PDE4D: variants seen among roughly 807,000 people sequenced by gnomAD.
PDE4D encodes the protein phosphodiesterase 4D.
Under a neutral mutation model 87.4 loss-of-function variants are expected in PDE4D, and 24 were observed. The ratio of observed to expected loss-of-function variants is 0.27; its 90% CI spans 0.20 to 0.39. The LOEUF (loss-of-function observed/expected upper bound fraction) is 0.39, where lower values mean the gene tolerates loss of function less well. Ranked by LOEUF, PDE4D falls within the 10% of genes least tolerant of loss-of-function variation. The probability of loss-of-function intolerance (pLI) is 1.00; values close to 1 mark genes in which losing one functional copy is unlikely to be tolerated. For missense variants in PDE4D, 714 were observed against 1,041.0 expected (o/e 0.69, Z 4.32); for synonymous variants, 384 against 383.2 (o/e 1.00, Z -0.02).
intron 1 of PDE4D, among the ~76,000 whole-genome samples, chr5:59,381,354 G>A (rs1785806568): frequency 6.6e-6 from 1 of 152,080 alleles, no homozygotes; most frequent in Non-Finnish European, 1.5e-5. Context: ...TCAAGACCAG[G>A]AACTGAAGAA....
At chr5:59,125,796 T>C (rs2153448391) in intron 5 of PDE4D, among the ~76,000 whole-genome samples, 1 of 152,096 alleles carries the variant, frequency 6.6e-6, no homozygotes. Flanking sequence ...TCAGAAAACA[T>C]CTAATCTAGG....
In PDE4D at chr5:59,598,783, T is replaced by G. The variant is rs535719496; in HGVS notation, c.455+294385A>C. On this transcript the variant is annotated intron_variant, in intron 1 of 14. Coordinates refer to ENST00000340635, the MANE Select transcript of PDE4D (RefSeq NM_001104631.2). Reference sequence around the variant, plus strand: ...GGACTAGGACAGAAGGACATTACTATTAATACTAATTTTCAGCCAGTGCAG... The same window carrying G: ...GGACTAGGACAGAAGGACATTACTAGTAATACTAATTTTCAGCCAGTGCAG... 1.4e-4 allele frequency among the ~76,000 whole-genome samples: 21 copies of G among 152,216 alleles called. 1 individual carries two copies. Among genetic ancestry groups the G allele is most frequent in the Admixed American group, 1.2e-3 (19 of 15,278 alleles).
intron 2 of PDE4D, among the ~76,000 whole-genome samples, chr5:60,001,478 G>A (rs1235521687): frequency 1.3e-5 from 2 of 152,106 alleles, no homozygotes; most frequent in Non-Finnish European, 2.9e-5. Context: ...CACAAGACCT[G>A]CCTTATAAGA....
intron 2 of PDE4D, among the ~76,000 whole-genome samples, chr5:59,202,027 T>G (rs1472187685): frequency 1.5e-5 from 2 of 134,712 alleles, no homozygotes; most frequent in Non-Finnish European, 3.1e-5. Context: ...TTCTGGTGTT[T>G]TGATCATTTT....
At chr5:59,513,616 C>A (rs1390460387) in intron 1 of PDE4D, among the ~76,000 whole-genome samples, 1 of 151,912 alleles carries the variant, frequency 6.6e-6, no homozygotes, top group African/African-American at 2.4e-5. Flanking sequence ...TCTTCTGTAC[C>A]CTAATATCTA....
At chr5:60,507,283 C>G (rs187787899) in intron 1 of PDE4D, among the ~76,000 whole-genome samples, 4 of 152,222 alleles carry the variant, frequency 2.6e-5, no homozygotes, top group East Asian at 3.9e-4. Flanking sequence ...CCATGTTGGC[C>G]AGGCTGGTCT....
At chr5:59,723,574 C>T (rs76687284) in intron 1 of PDE4D, among the ~76,000 whole-genome samples, 2,104 of 152,078 alleles carry the variant, frequency 0.014, 51 homozygotes, top group African/African-American at 0.048. Flanking sequence ...TACATACAAA[C>T]GGATATGGAA....
At chr5:60,235,681 A>C (rs773886535) in intron 1 of PDE4D, among the ~76,000 whole-genome samples, 1 of 151,938 alleles carries the variant, frequency 6.6e-6, no homozygotes, top group African/African-American at 2.4e-5. Flanking sequence ...AGAGGCCAGT[A>C]ACCTTATCAA....
intron 1 of PDE4D, among the ~76,000 whole-genome samples, chr5:59,256,044 G>C (rs1760905285): frequency 1.3e-5 from 2 of 151,986 alleles, no homozygotes; most frequent in Admixed American, 1.3e-4. Flanking sequence ...CTTTACACAA[G>C]TACATAGAGT....
intron 1 of PDE4D, among the ~76,000 whole-genome samples, chr5:60,220,229 G>C (rs777555744): frequency 2.0e-5 from 3 of 152,106 alleles, no homozygotes; most frequent in Non-Finnish European, 4.4e-5. Flanking sequence ...CACTGCATGA[G>C]TGCATGAAAA....
intron 1 of PDE4D, among the ~76,000 whole-genome samples, chr5:60,276,519 T>C (rs1751379822): frequency 6.7e-6 from 1 of 149,610 alleles, no homozygotes; most frequent in African/African-American, 2.6e-5. Flanking sequence ...ACAGCAGCCA[T>C]ACTTTAGCAT....
At chr5:60,170,466 CT>C (rs1402954878) in intron 2 of PDE4D, among the ~76,000 whole-genome samples, 1 of 152,004 alleles carries the variant, frequency 6.6e-6, no homozygotes, top group African/African-American at 2.4e-5. Context: ...TCTCCATTAC[CT>C]GATAAAAGTG....
At chr5:59,097,002 T>G (rs56658018) in intron 5 of PDE4D, among the ~76,000 whole-genome samples, 5 of 152,136 alleles carry the variant, frequency 3.3e-5, no homozygotes, top group Admixed American at 1.3e-4. Context: ...CTAGGGAGTA[T>G]TCTCAAAGGA....
intron 9 of PDE4D, among the ~76,000 whole-genome samples, chr5:58,990,260 C>T (rs1020914560): frequency 5.3e-5 from 8 of 152,170 alleles, no homozygotes; most frequent in Non-Finnish European, 1.0e-4. Context: ...ATCACACCAA[C>T]TAAAAATCAA....
intron 1 of PDE4D, among the ~76,000 whole-genome samples, chr5:59,503,693 G>A (rs963578765): frequency 6.6e-6 from 1 of 152,108 alleles, no homozygotes; most frequent in African/African-American, 2.4e-5. Context: ...CCTGGATTAT[G>A]ACCTTTCAGT....
chr5:60,438,861 T>A (rs115838375), intron 1 of PDE4D, among the ~76,000 whole-genome samples: 138 of 152,218 alleles, frequency 9.1e-4, no homozygotes, highest in African/African-American at 3.1e-3. Context: ...GGTAGGGTGG[T>A]AAGAAAAGCA....
At chr5:59,042,947 A>G (rs2153397491) in intron 5 of PDE4D, among the ~76,000 whole-genome samples, 1 of 152,326 alleles carries the variant, frequency 6.6e-6, no homozygotes, top group Non-Finnish European at 1.5e-5. Flanking sequence ...CACAGCAGTT[A>G]GCTAGAGGTT....
intron 5 of PDE4D, among the ~76,000 whole-genome samples, chr5:59,137,557 C>T (rs1033786395): frequency 1.4e-5 from 2 of 146,624 alleles, no homozygotes; most frequent in South Asian, 2.2e-4. Flanking sequence ...GATGGAGTCT[C>T]GCTCTGTCGC....
At chr5:59,224,429 A>C (rs1197112025) in intron 1 of PDE4D, among the ~76,000 whole-genome samples, 1 of 152,172 alleles carries the variant, frequency 6.6e-6, no homozygotes, top group East Asian at 1.9e-4. Context: ...GACACTCCCA[A>C]GTAACACAGG....
Sources: allele counts gnomAD v4.1 joint callset (sites outside exome capture counted in the v4.1 genomes callset), GRCh38; gene constraint gnomAD v4.1.1; transcripts MANE v1.5; gene names NCBI Gene and HGNC (gene_info 2026-07-23, HGNC 2026-07-21).